NHSL2: variants seen among roughly 807,000 people sequenced by gnomAD.
NHSL2 encodes NHS-like protein 2.
NHSL2 carries 27 observed loss-of-function variants against 53.4 expected under a neutral mutation model. The ratio of observed to expected loss-of-function variants is 0.51; its 90% confidence interval spans 0.37 to 0.70. The LOEUF (loss-of-function observed/expected upper bound fraction) is 0.70, where lower values mean the gene tolerates loss of function less well. Among genes scored for constraint, NHSL2 ranks in the 30% least tolerant of loss-of-function variants. NHSL2 has a pLI of 0.00. For synonymous variants in NHSL2, 408 were observed against 404.1 expected (o/e 1.01, Z -0.12); for missense variants, 892 against 980.1 (o/e 0.91, Z 1.20).
chrX:72,094,077 C>T (rs1460910157), intron 1 of NHSL2, among the ~76,000 whole-genome samples: 1 of 111,552 alleles, frequency 9.0e-6, no homozygotes, highest in Non-Finnish European at 1.9e-5. Flanking sequence ...CCACCGTGCC[C>T]AGCCCTAGTA....
At chrX:71,980,355 T>TA (rs1419814267) in intron 1 of NHSL2, among the ~76,000 whole-genome samples, 2 of 111,474 alleles carry the variant, frequency 1.8e-5, no homozygotes, top group African/African-American at 6.5e-5. Flanking sequence ...CCTTGGGCAG[T>TA]ATGGCCATTT....
chrX:71,975,161 G>C (rs1382240725), intron 1 of NHSL2, among the ~76,000 whole-genome samples: 1 of 111,964 alleles, frequency 8.9e-6, no homozygotes, highest in Non-Finnish European at 1.9e-5. Context: ...TCCGCTATTT[G>C]CCTTTGCAAG....
intron 5 of NHSL2, among the ~76,000 whole-genome samples, chrX:72,137,646 C>A (rs1320867453): frequency 3.6e-5 from 4 of 111,221 alleles, no homozygotes. Flanking sequence ...ACCAGGAGAC[C>A]TTGGCCAAGT....
At chrX:71,938,404 A>G (rs1308632639) in intron 1 of NHSL2, among the ~76,000 whole-genome samples, 1 of 111,772 alleles carries the variant, frequency 8.9e-6, no homozygotes, top group African/African-American at 3.3e-5. Flanking sequence ...AGGGCATTTG[A>G]CCATAGAGTC....
intron 1 of NHSL2, among the ~76,000 whole-genome samples, chrX:71,995,435 A>G (rs1296138819): frequency 3.0e-4 from 8 of 26,421 alleles, no homozygotes; most frequent in African/African-American, 3.8e-4. Context: ...TGCATACTCT[A>G]TCTGACCCCC....
intron 1 of NHSL2, among the ~76,000 whole-genome samples, chrX:72,057,887 G>A (rs2042378317): frequency 8.9e-6 from 1 of 112,460 alleles, no homozygotes; most frequent in South Asian, 3.7e-4. Context: ...AAAAAGGGGG[G>A]AAAAGCCACC....
rs779247682 is a variant in NHSL2, at chrX:72,140,107, A to G, written c.2559A>G (p.Glu853=). The G allele has an allele frequency of 2.5e-6, 3 of 1,209,898 alleles. No individual in the cohort carries two copies. In the Admixed American group the frequency reaches 6.5e-5, roughly 26 times the overall value. The change falls in exon 6 of 8, where the codon GAA becomes GAG. Residue 853 remains glutamate (E), a synonymous_variant. Transcript: ENST00000633930. ...DDIESPEYAE[E]PRAEEVFTLP... ...TTGAGAGCCCTGAGTATGCCGAGGA[A>G]CCCAGAGCAGAAGAAGTCTTCACCT...
intron 1 of NHSL2, among the ~76,000 whole-genome samples, chrX:72,045,703 C>G (rs1234180570): frequency 8.9e-6 from 1 of 112,331 alleles, no homozygotes; most frequent in Non-Finnish European, 1.9e-5. Flanking sequence ...TCCCTGCTTA[C>G]GGAGACAGGC....
intron 7 of NHSL2, 74 bp downstream of exon 7, chrX:72,142,438 C>A: frequency 1.3e-6 from 1 of 765,880 alleles, no homozygotes; most frequent in Non-Finnish European, 1.8e-6. Flanking sequence ...TGCTATTCCA[C>A]ATTGAAATCC....
At chrX:71,967,491 C>T (rs2041906207) in intron 1 of NHSL2, among the ~76,000 whole-genome samples, 1 of 111,309 alleles carries the variant, frequency 9.0e-6, no homozygotes, top group African/African-American at 3.3e-5. Context: ...TTTTCATTTT[C>T]ATTTAGTTCA....
chrX:72,023,597 A>T (rs1194879344), intron 1 of NHSL2, among the ~76,000 whole-genome samples: 1 of 111,652 alleles, frequency 9.0e-6, no homozygotes, highest in Admixed American at 9.4e-5. Flanking sequence ...TTTCAGCTCT[A>T]CCTCTTGTTC....
chrX:72,080,893 G>A (rs1248866554), intron 1 of NHSL2, among the ~76,000 whole-genome samples: 1 of 111,706 alleles, frequency 9.0e-6, no homozygotes, highest in Non-Finnish European at 1.9e-5. Flanking sequence ...TGGCAGTAAG[G>A]CAGAAGCAAG....
At chrX:71,914,153 C>T (rs1161564590) in intron 1 of NHSL2, among the ~76,000 whole-genome samples, 1 of 112,523 alleles carries the variant, frequency 8.9e-6, no homozygotes, top group Non-Finnish European at 1.9e-5. Flanking sequence ...GCAGTTGCCA[C>T]ACCCTAGGCA....
intron 1 of NHSL2, among the ~76,000 whole-genome samples, chrX:71,942,038 T>G: frequency 9.7e-6 from 1 of 103,259 alleles, no homozygotes; most frequent in African/African-American, 3.5e-5. Flanking sequence ...CAGCTCAGAT[T>G]TGGAAGGGGG....
In NHSL2 at chrX:71,926,008, G is replaced by A. The variant is rs141106471; in HGVS notation, c.280+14641G>A. 3.8e-3 allele frequency among the ~76,000 whole-genome samples: 425 copies of A among 111,439 alleles called. 3 individuals carry two copies. Among genetic ancestry groups the A allele is most frequent in the African/African-American group, 0.013 (408 of 30,636 alleles). On this transcript the variant is annotated intron_variant, in intron 1 of 7. Coordinates refer to ENST00000633930, the MANE Select transcript of NHSL2 (RefSeq NM_001013627.3). ...AGGATCTGATGGAGGGCTTTCTAGT[G>A]GATTGCAAGAGATTCAGCAGGAACA...
At chrX:71,924,355 A>G (rs1452354609) in intron 1 of NHSL2, among the ~76,000 whole-genome samples, 1 of 111,268 alleles carries the variant, frequency 9.0e-6, no homozygotes, top group Non-Finnish European at 1.9e-5. Context: ...GACTCCCTTC[A>G]CTATGTTCCT....
chrX:71,927,828 G>A lies in NHSL2; in HGVS notation c.280+16461G>A, dbSNP rs190101724. 2.7e-3 allele frequency among the ~76,000 whole-genome samples: 303 copies of A among 111,690 alleles called. 2 individuals carry two copies. The highest frequency in any genetic ancestry group is 9.4e-3 in the African/African-American group (289 of 30,750). On this transcript the variant is annotated intron_variant, in intron 1 of 7. Coordinates refer to ENST00000633930, the MANE Select transcript of NHSL2 (RefSeq NM_001013627.3). ...CCCGCCTCTGCCTCCCAAACTGCTGGGATTACAGGCCTGAGCCATCGCACC... is the reference window on the plus strand; with the variant it reads ...CCCGCCTCTGCCTCCCAAACTGCTGAGATTACAGGCCTGAGCCATCGCACC...
chrX:72,049,315 C>T (rs902006747), intron 1 of NHSL2, among the ~76,000 whole-genome samples: 2 of 111,722 alleles, frequency 1.8e-5, no homozygotes, highest in South Asian at 3.7e-4. Flanking sequence ...GCCAGGGCCT[C>T]GGTGTGTGGT....
intron 1 of NHSL2, among the ~76,000 whole-genome samples, chrX:72,050,277 A>G (rs2147929133): frequency 9.0e-6 from 1 of 111,304 alleles, no homozygotes; most frequent in South Asian, 3.8e-4. Flanking sequence ...GGGTAGGGGC[A>G]AGGGTGGCAA....
Sources: allele counts gnomAD v4.1 joint callset (sites outside exome capture counted in the v4.1 genomes callset), GRCh38; gene constraint gnomAD v4.1.1; transcripts MANE v1.5; gene names NCBI Gene and HGNC (gene_info 2026-07-23, HGNC 2026-07-21).